Variants in DLG2 observed in about 807,000 individuals in gnomAD.
The protein encoded by DLG2 is disks large homolog 2.
DLG2 carries 45 observed loss-of-function variants against 132.5 expected under a neutral mutation model. The observed-to-expected ratio is 0.34, with a 90% confidence interval of 0.27 to 0.44. The LOEUF (loss-of-function observed/expected upper bound fraction) is 0.44, where lower values mean the gene tolerates loss of function less well. Ranked by LOEUF, DLG2 falls within the 20% of genes least tolerant of loss-of-function variation. The pLI, the probability that DLG2 is intolerant of heterozygous loss-of-function variation, is 1.00. For missense variants in DLG2, 1,045 were observed against 1,196.9 expected, an observed-to-expected ratio of 0.87 and a Z score of 1.87; for synonymous variants, 424 against 419.6, an observed-to-expected ratio of 1.01 and a Z score of -0.13.
chr11:84,494,475 C>T (rs1223785754), intron 7 of DLG2, among the ~76,000 whole-genome samples: 1 of 152,160 alleles, frequency 6.6e-6, no homozygotes, highest in Non-Finnish European at 1.5e-5. Flanking sequence ...CCTTGGGCCA[C>T]TCCCAGCAGA....
intron 6 of DLG2, among the ~76,000 whole-genome samples, chr11:85,018,951 A>T (rs2059803356): frequency 6.6e-6 from 1 of 152,196 alleles, no homozygotes; most frequent in Non-Finnish European, 1.5e-5. Flanking sequence ...TGCATTTGAC[A>T]TGCCAACTCT....
intron 3 of DLG2, among the ~76,000 whole-genome samples, chr11:85,475,216 A>T (rs1269942923): frequency 6.6e-6 from 1 of 151,918 alleles, no homozygotes; most frequent in African/African-American, 2.4e-5. Flanking sequence ...ACTTAAAAAG[A>T]CATCAAAGTA....
intron 6 of DLG2, among the ~76,000 whole-genome samples, chr11:84,916,209 C>T (rs1263782737): frequency 2.7e-5 from 4 of 150,916 alleles, no homozygotes; most frequent in Admixed American, 6.6e-5. Context: ...ATTAGCCGGG[C>T]GTAGTGGCGG....
At chr11:84,507,846 T>C (rs2099246020) in intron 7 of DLG2, among the ~76,000 whole-genome samples, 1 of 152,206 alleles carries the variant, frequency 6.6e-6, no homozygotes, top group East Asian at 1.9e-4. Context: ...GTATTAACTT[T>C]TTGATGTGCT....
intron 18 of DLG2, among the ~76,000 whole-genome samples, chr11:83,663,996 C>T (rs1161047365): frequency 1.3e-5 from 2 of 152,276 alleles, no homozygotes; most frequent in South Asian, 2.1e-4. Context: ...ACTTACTAGA[C>T]GTGAAACATT....
chr11:84,765,155 A>C (rs1310450738), intron 6 of DLG2, among the ~76,000 whole-genome samples: 1 of 152,104 alleles, frequency 6.6e-6, no homozygotes, highest in East Asian at 1.9e-4. Flanking sequence ...ATAGGCAACA[A>C]ACTTGACCAC....
chr11:84,505,963 G>T (rs2099238238), intron 7 of DLG2, among the ~76,000 whole-genome samples: 1 of 151,872 alleles, frequency 6.6e-6, no homozygotes, highest in Non-Finnish European at 1.5e-5. Flanking sequence ...ACCTGTAACT[G>T]TGTTACCTTA....
intron 3 of DLG2, among the ~76,000 whole-genome samples, chr11:85,562,821 G>A (rs1052489072): frequency 3.3e-5 from 5 of 151,704 alleles, no homozygotes; most frequent in Non-Finnish European, 7.4e-5. Context: ...CCTTCCTTTA[G>A]AAAATGGCAG....
intron 8 of DLG2, among the ~76,000 whole-genome samples, chr11:84,190,371 G>A (rs1219054214): frequency 1.3e-5 from 2 of 152,112 alleles, no homozygotes; most frequent in East Asian, 1.9e-4. Context: ...AATTGCATCC[G>A]ATTTAATGAA....
At chr11:85,002,393 A>G (rs1282741934) in intron 6 of DLG2, among the ~76,000 whole-genome samples, 2 of 152,168 alleles carry the variant, frequency 1.3e-5, no homozygotes, top group African/African-American at 4.8e-5. Flanking sequence ...TTGAAAGAGA[A>G]AATGGAAACA....
At chr11:85,500,733 G>A (rs981916075) in intron 3 of DLG2, among the ~76,000 whole-genome samples, 1 of 152,024 alleles carries the variant, frequency 6.6e-6, no homozygotes, top group Admixed American at 6.6e-5. Context: ...ACCTCTTCAA[G>A]GAGAACTACA....
At chr11:85,205,215 A>G (rs1160966941) in intron 4 of DLG2, among the ~76,000 whole-genome samples, 1 of 150,126 alleles carries the variant, frequency 6.7e-6, no homozygotes, top group Non-Finnish European at 1.5e-5. Context: ...AAAAGAAATA[A>G]AATTCTGTCA....
At chr11:84,316,071 AT>A (rs2098351288) in intron 7 of DLG2, among the ~76,000 whole-genome samples, 1 of 152,166 alleles carries the variant, frequency 6.6e-6, no homozygotes, top group Non-Finnish European at 1.5e-5. Flanking sequence ...AGAGAAAAAA[AT>A]GAGCCAATTT....
intron 7 of DLG2, among the ~76,000 whole-genome samples, chr11:84,307,623 G>A (rs1400885631): frequency 1.3e-5 from 2 of 149,172 alleles, no homozygotes; most frequent in African/African-American, 2.5e-5. Flanking sequence ...GTGAACCCGG[G>A]AAGCAGACCT....
intron 9 of DLG2, among the ~76,000 whole-genome samples, chr11:84,105,388 C>T (rs1404440676): frequency 6.6e-6 from 1 of 152,112 alleles, no homozygotes; most frequent in Admixed American, 6.6e-5. Context: ...TCAAATGACA[C>T]AGGCACCAGC....
At chr11:84,505,263 G>C (rs2099235759) in intron 7 of DLG2, among the ~76,000 whole-genome samples, 1 of 152,064 alleles carries the variant, frequency 6.6e-6, no homozygotes, top group Non-Finnish European at 1.5e-5. Flanking sequence ...GTAAATTTTA[G>C]CTTTTAAATT....
At chr11:84,202,403 C>T (rs4944469) in intron 8 of DLG2, among the ~76,000 whole-genome samples, 125,485 of 152,064 alleles carry the variant, frequency 0.83, 52,456 homozygotes, top group Middle Eastern at 0.94. Context: ...TCTGGGAGAA[C>T]TGGCTAGCCA....
chr11:84,353,350 T>C (rs1043734974), intron 7 of DLG2, among the ~76,000 whole-genome samples: 9 of 152,160 alleles, frequency 5.9e-5, no homozygotes, highest in African/African-American at 2.2e-4. Flanking sequence ...GGACTCTTCC[T>C]GCAGTGTTCC....
chr11:83,537,852 A>C (rs1221954951), intron 20 of DLG2, among the ~76,000 whole-genome samples: 1 of 143,180 alleles, frequency 7.0e-6, no homozygotes, highest in African/African-American at 2.6e-5. Flanking sequence ...GAGAGATACC[A>C]TGGAACAAAA....
Sources: gnomAD v4.1 joint callset for allele counts (sites outside exome capture counted in the v4.1 genomes callset) on GRCh38, gnomAD v4.1.1 for gene constraint, MANE v1.5 for transcripts, NCBI Gene and HGNC (gene_info 2026-07-23, HGNC 2026-07-21) for gene names.